Variants in KLHL7 observed in about 807,000 individuals in gnomAD.
The protein encoded by KLHL7 is kelch like family member 7, also known as kelch-like protein 7.
KLHL7 carries 44 observed loss-of-function variants against 67.4 expected under a neutral mutation model. The ratio of observed to expected loss-of-function variants is 0.65; its 90% CI spans 0.51 to 0.84. The LOEUF (loss-of-function observed/expected upper bound fraction) is 0.84. KLHL7 is among the 40% of genes least tolerant of loss of function. KLHL7 has a pLI of 0.00. For synonymous variants in KLHL7, 252 were observed against 243.3 expected (o/e 1.04, Z -0.33); for missense variants, 362 against 718.1 (o/e 0.50, Z 5.67).
chr7:23,172,797 T>G (rs1437504397), intron 9 of KLHL7, 151 bp from the exon 10 acceptor site: 1 of 622,442 alleles, frequency 1.6e-6, no homozygotes, highest in East Asian at 2.8e-5. Flanking sequence ...TTGTTCAACT[T>G]TTGTTTTCTA....
intron 1 of KLHL7, chr7:23,117,718 T>G (rs2128458305): frequency 2.0e-6 from 2 of 978,224 alleles, no homozygotes; most frequent in East Asian, 5.3e-5. Context: ...AGAAGTCTTT[T>G]TAATGTTTCT....
intron 1 of KLHL7, among the ~76,000 whole-genome samples, chr7:23,109,326 A>G (rs1562546182): frequency 6.6e-6 from 1 of 152,232 alleles, no homozygotes; most frequent in Non-Finnish European, 1.5e-5. Context: ...ATTACCTGAT[A>G]TGTAAAATAG....
intron 5 of KLHL7, among the ~76,000 whole-genome samples, chr7:23,142,986 C>T (rs1784239912): frequency 1.3e-5 from 2 of 152,210 alleles, no homozygotes; most frequent in South Asian, 4.1e-4. Context: ...ACAACTGGGG[C>T]AGGGTATGTG....
Position 23,125,030 on chromosome 7 carries a change from C to G in KLHL7, c.318-18C>G. On this transcript the variant is annotated intron_variant, in intron 3 of 10. Coordinates refer to ENST00000339077, the MANE Select transcript of KLHL7 (RefSeq NM_001031710.3). ...AAAAAATCATGGGTAACTAATATTC[C>G]CTCTAACTTATTTGCAGAATTTCCG... 6.2e-7 allele frequency: 1 copy of G among 1,604,504 alleles called. No individual in the cohort carries two copies. Among genetic ancestry groups the G allele is most frequent in the Non-Finnish European group, 8.5e-7 (1 of 1,171,654 alleles).
chr7:23,130,191 A>G (rs1015381331), intron 4 of KLHL7, among the ~76,000 whole-genome samples: 1 of 152,240 alleles, frequency 6.6e-6, no homozygotes, highest in African/African-American at 2.4e-5. Context: ...TTCAGTAAGA[A>G]TAAGTGGTTG....
intron 7 of KLHL7, 140 bp from the exon 8 acceptor site, chr7:23,165,558 A>G: frequency 1.0e-6 from 1 of 1,003,076 alleles, no homozygotes; most frequent in Non-Finnish European, 1.5e-6. Context: ...TTAAATTGGT[A>G]ATAGTCTCAA....
At chr7:23,134,486 T>G (rs772690394) in intron 4 of KLHL7, among the ~76,000 whole-genome samples, 2 of 152,212 alleles carry the variant, frequency 1.3e-5, no homozygotes, top group Non-Finnish European at 2.9e-5. Flanking sequence ...TTTGGAAGTA[T>G]TCCCCCCTCT....
chr7:23,125,345 C>T, intron 4 of KLHL7, 173 bp downstream of exon 4: 1 of 628,424 alleles, frequency 1.6e-6, no homozygotes, highest in South Asian at 2.1e-5. Flanking sequence ...GCATATTAAC[C>T]TGGGCAGCAG....
chr7:23,165,962 G>A (rs758278150), intron 8 of KLHL7, 24 bp downstream of exon 8: 3 of 1,613,182 alleles, frequency 1.9e-6, no homozygotes, highest in South Asian at 2.2e-5. Flanking sequence ...AAGTATTTTG[G>A]TTTGGGGCAT....
chr7:23,148,059 C>T (rs1784414313), intron 6 of KLHL7, among the ~76,000 whole-genome samples: 1 of 152,160 alleles, frequency 6.6e-6, no homozygotes, highest in South Asian at 2.1e-4. Context: ...AAAACAATTT[C>T]TAGGTTTCCA....
intron 7 of KLHL7, among the ~76,000 whole-genome samples, chr7:23,160,349 T>C (rs1466926540): frequency 6.6e-6 from 1 of 152,242 alleles, no homozygotes; most frequent in Non-Finnish European, 1.5e-5. Context: ...TCATGCTTAC[T>C]CAACTTCAGA....
intron 5 of KLHL7, among the ~76,000 whole-genome samples, chr7:23,141,590 G>A (rs920992493): frequency 5.3e-5 from 8 of 152,228 alleles, no homozygotes; most frequent in African/African-American, 1.9e-4. Flanking sequence ...TGGGAGCTGG[G>A]TGGGAGAACA....
At chr7:23,109,260 A>C (rs1388340079) in intron 1 of KLHL7, among the ~76,000 whole-genome samples, 2 of 152,170 alleles carry the variant, frequency 1.3e-5, no homozygotes, top group Non-Finnish European at 2.9e-5. Flanking sequence ...CATCTTATTT[A>C]ATTGGATTGA....
intron 7 of KLHL7, among the ~76,000 whole-genome samples, chr7:23,157,428 G>A (rs1277780752): frequency 6.6e-6 from 1 of 152,170 alleles, no homozygotes; most frequent in Non-Finnish European, 1.5e-5. Flanking sequence ...AGCATCATGG[G>A]CAGCCAGGGG....
chr7:23,174,437 A>G lies in KLHL7; in HGVS notation c.*139A>G. 1 of 850,286 alleles carries G rather than the reference A, an allele frequency of 1.2e-6. No individual in the cohort carries two copies. Among genetic ancestry groups the G allele is most frequent in the Non-Finnish European group, 1.9e-6 (1 of 516,412 alleles). The allele number at this position is 850,286 out of a possible 1,614,324, so 52.7% of individuals were successfully genotyped here. ...GTGAAATGAGGTTCCTATAAAATAGATGTTTCTTTTATATGGATTTCCTTA... is the reference window on the plus strand; with the variant it reads ...GTGAAATGAGGTTCCTATAAAATAGGTGTTTCTTTTATATGGATTTCCTTA... On this transcript the variant is annotated 3_prime_UTR_variant, in exon 11 of 11. Transcript: ENST00000339077.
At chr7:23,112,633 A>G (rs750862173) in intron 1 of KLHL7, among the ~76,000 whole-genome samples, 4 of 152,216 alleles carry the variant, frequency 2.6e-5, no homozygotes, top group Non-Finnish European at 5.9e-5. Context: ...TCACAGGAGG[A>G]CTGCAACTTT....
At chr7:23,172,325 T>C in intron 9 of KLHL7, 1 of 374,466 alleles carries the variant, frequency 2.7e-6, no homozygotes, top group South Asian at 2.0e-5. Flanking sequence ...CTCAGTTTCA[T>C]TATTTATATA....
chr7:23,165,630 T>A, intron 7 of KLHL7, 68 bp from the exon 8 acceptor site: 2 of 1,545,720 alleles, frequency 1.3e-6, no homozygotes, highest in South Asian at 2.2e-5. Context: ...TTTGACTGTA[T>A]CTTTGCATTG....
At chr7:23,156,107 A>G in intron 7 of KLHL7, 1 of 368,192 alleles carries the variant, frequency 2.7e-6, no homozygotes, top group South Asian at 2.1e-5. Flanking sequence ...TGCACTTTGA[A>G]AATTTATGGG....
Sources: gnomAD v4.1 joint callset for allele counts (sites outside exome capture counted in the v4.1 genomes callset) on GRCh38, gnomAD v4.1.1 for gene constraint, MANE v1.5 for transcripts, NCBI Gene and HGNC (gene_info 2026-07-23, HGNC 2026-07-21) for gene names.